The following PRR5 variants were observed in gnomAD, a reference collection of about 807,000 sequenced individuals.
PRR5 encodes proline-rich protein 5.
Under a neutral mutation model 30.6 loss-of-function variants are expected in PRR5, and 25 were observed. That is an observed-to-expected ratio of 0.82 (90% CI 0.60 to 1.14). The LOEUF is 1.14. PRR5 is among the 50% of genes most tolerant of loss of function. PRR5 has a pLI of 0.00. For synonymous variants in PRR5, 286 were observed against 247.1 expected (o/e 1.16, Z -1.48); for missense variants, 600 against 547.1 (o/e 1.10, Z -0.96).
chr22:44,674,898 A>G (rs546013686), upstream of PRR5, among the ~76,000 whole-genome samples: 136 of 151,112 alleles, frequency 9.0e-4, no homozygotes, highest in African/African-American at 3.3e-3. Flanking sequence ...GTGAGCCGAG[A>G]TCTCGCCACT....
In PRR5 at chr22:44,670,205, A is replaced by G. The variant is rs376914598; in HGVS notation, c.-11+1400A>G. On this transcript the variant is annotated intron_variant, in intron 1 of 8. Coordinates refer to the PRR5 transcript ENST00000432186. Reference sequence around the variant, plus strand: ...AGAAGGGCCCATCCTGGCGTCTACAACTTTGCTGTGTCCCTGGGCAAGCCG... The same window carrying G: ...AGAAGGGCCCATCCTGGCGTCTACAGCTTTGCTGTGTCCCTGGGCAAGCCG... Among the ~76,000 whole-genome samples, 16 of 152,298 alleles carry G rather than the reference A, an allele frequency of 1.1e-4. No homozygotes were observed. In the South Asian group the frequency reaches 2.9e-3, roughly 28 times the overall value.
chr22:44,693,795 A>ATTTTTTTTTTTTTTTTTTTTTTTTTTT lies in PRR5; in HGVS notation c.-10-8677_-10-8676insTTTTTTTTTTTTTTTTTTTTTTTTTTT, dbSNP rs61604082. Among the ~76,000 whole-genome samples the ATTTTTTTTTTTTTTTTTTTTTTTTTTT allele has an allele frequency of 2.5e-5, 2 of 79,622 alleles. 1 individual carries two copies. Among genetic ancestry groups the ATTTTTTTTTTTTTTTTTTTTTTTTTTT allele is most frequent in the Admixed American group, 3.6e-4 (2 of 5,600 alleles). 52.2% of individuals were successfully genotyped at this position (79,622 alleles called of 152,430 possible). On this transcript the variant is annotated intron_variant, in intron 1 of 8. Transcript: ENST00000006251. The stretch of plus-strand genomic sequence containing the variant: ...CAGGCGCCTGCCACCACACTCGGCT[A>ATTTTTTTTTTTTTTTTTTTTTTTTTTT]TTTTTTTTTTTTTTTTTTTTGTATT...
chr22:44,699,393 G>A (rs908060867), upstream of PRR5, among the ~76,000 whole-genome samples: 30 of 152,324 alleles, frequency 2.0e-4, no homozygotes, highest in African/African-American at 6.5e-4. Context: ...GCCAGCCTCC[G>A]GCGTGGGAAA....
At chr22:44,703,856 C>G (rs535949792) in intron 1 of PRR5, among the ~76,000 whole-genome samples, 19 of 152,222 alleles carry the variant, frequency 1.2e-4, no homozygotes, top group African/African-American at 4.6e-4. Context: ...GCACTCCAGC[C>G]TCGGTGACAG....
intron 4 of PRR5, among the ~76,000 whole-genome samples, chr22:44,728,495 A>G (rs1363028332): frequency 6.6e-6 from 1 of 152,188 alleles, no homozygotes; most frequent in East Asian, 1.9e-4. Flanking sequence ...AGTGTGATTA[A>G]TGTCATTGTG....
At chr22:44,697,995 A>AG (rs1300545158), upstream of PRR5, among the ~76,000 whole-genome samples, 1 of 152,144 alleles carries the variant, frequency 6.6e-6, no homozygotes, top group African/African-American at 2.4e-5. Context: ...TGTCACTTGC[A>AG]GTGCTGATGG....
chr22:44,725,471 G>A (rs1055218051), intron 3 of PRR5, among the ~76,000 whole-genome samples, 179 bp downstream of exon 3: 16 of 152,192 alleles, frequency 1.1e-4, no homozygotes, highest in Non-Finnish European at 5.9e-5. Flanking sequence ...TAAATGATAA[G>A]ATGAGGTGAA....
At chr22:44,736,632 A>G in intron 7 of PRR5, 140 bp from the exon 8 acceptor site, 3 of 1,389,336 alleles carry the variant, frequency 2.2e-6, no homozygotes, top group Non-Finnish European at 2.8e-6. Context: ...TGGCGGTGGG[A>G]CCTGCTGAGC....
chr22:44,702,668 G>A, intron 1 of PRR5, 60 bp downstream of exon 1: 1 of 1,248,666 alleles, frequency 8.0e-7, no homozygotes, highest in East Asian at 3.2e-5. Context: ...GGACCCCTGA[G>A]CCGTCCGCGG....
intron 1 of PRR5, among the ~76,000 whole-genome samples, chr22:44,688,044 G>A (rs1374730474): frequency 1.3e-5 from 2 of 151,546 alleles, no homozygotes; most frequent in African/African-American, 4.8e-5. Flanking sequence ...CAAAGTGCTG[G>A]GATTACAGGC....
intron 1 of PRR5, among the ~76,000 whole-genome samples, chr22:44,685,981 A>G (rs1924712209): frequency 6.6e-6 from 1 of 151,990 alleles, no homozygotes; most frequent in South Asian, 2.1e-4. Context: ...GGGGCCCGGC[A>G]TGGTGGCTCA....
chr22:44,714,490 C>G, intron 1 of PRR5, 101 bp from the exon 2 acceptor site: 2 of 1,504,034 alleles, frequency 1.3e-6, no homozygotes, highest in Non-Finnish European at 1.8e-6. Context: ...GGATGGCTAT[C>G]CTGCCCTTCT....
upstream of PRR5, among the ~76,000 whole-genome samples, chr22:44,699,845 G>A (rs780525326): frequency 3.9e-5 from 6 of 152,224 alleles, no homozygotes; most frequent in Non-Finnish European, 7.3e-5. Flanking sequence ...AGGAGTCAAG[G>A]ATCTGGGCTT....
chr22:44,730,158 T>C, intron 4 of PRR5: 1 of 985,254 alleles, frequency 1.0e-6, no homozygotes, highest in Non-Finnish European at 1.2e-6. Context: ...GCTGGGGGCT[T>C]CCGGGAGTGG....
chr22:44,706,084 G>A (rs1283503938), intron 1 of PRR5, among the ~76,000 whole-genome samples: 1 of 152,160 alleles, frequency 6.6e-6, no homozygotes, highest in Non-Finnish European at 1.5e-5. Context: ...ACAGGCATGA[G>A]CCACCACACC....
intron 2 of PRR5, among the ~76,000 whole-genome samples, chr22:44,723,537 T>C (rs1428004952): frequency 6.6e-6 from 1 of 151,814 alleles, no homozygotes; most frequent in South Asian, 2.1e-4. Context: ...CTGGCCAACA[T>C]GGTGAAACCC....
At chr22:44,706,636 C>A (rs1344307845) in intron 1 of PRR5, among the ~76,000 whole-genome samples, 1 of 152,212 alleles carries the variant, frequency 6.6e-6, no homozygotes, top group Non-Finnish European at 1.5e-5. Flanking sequence ...TCCAGCGATC[C>A]TCCCACCTCA....
intron 7 of PRR5, 32 bp downstream of exon 7, chr22:44,735,194 A>C (rs1164799981): frequency 6.9e-6 from 11 of 1,598,054 alleles, no homozygotes; most frequent in African/African-American, 1.3e-5. Flanking sequence ...GGGCTGGGGC[A>C]GGGGTGACCA....
intron 1 of PRR5, among the ~76,000 whole-genome samples, chr22:44,670,134 C>T (rs1180591485): frequency 1.3e-5 from 2 of 152,188 alleles, no homozygotes; most frequent in Non-Finnish European, 2.9e-5. Context: ...ATGAGGGGGA[C>T]AAAGTCATCT....
Sources: gnomAD v4.1 joint callset for allele counts (sites outside exome capture counted in the v4.1 genomes callset) on GRCh38, gnomAD v4.1.1 for gene constraint, MANE v1.5 for transcripts, NCBI Gene and HGNC (gene_info 2026-07-23, HGNC 2026-07-21) for gene names.